The following NFX1 variants were observed in gnomAD, a reference collection of about 807,000 sequenced individuals.
The protein encoded by NFX1 is nuclear transcription factor, X-box binding 1.
Under a neutral mutation model 137.2 loss-of-function variants are expected in NFX1, and 69 were observed. That is an observed-to-expected ratio of 0.50 (90% confidence interval 0.41 to 0.61). The LOEUF is 0.61. Ranked by LOEUF, NFX1 falls within the 20% of genes least tolerant of loss-of-function variation. The probability of loss-of-function intolerance (pLI) is 0.00; values close to 1 mark genes in which losing one functional copy is unlikely to be tolerated. For synonymous variants in NFX1, 495 were observed against 474.1 expected (o/e 1.04, Z -0.57); for missense variants, 1,167 against 1,391.0 (o/e 0.84, Z 2.56).
At position 33,342,080 on chromosome 9, in the gene NFX1, C is replaced by T. The variant is rs377357077; in HGVS notation, c.2116-666C>T. Among the ~76,000 whole-genome samples, 15 of 152,070 alleles carry T rather than the reference C, an allele frequency of 9.9e-5. No homozygotes were observed. In the East Asian group the frequency reaches 2.1e-3, roughly 22 times the overall value. On this transcript the variant is annotated intron_variant, in intron 12 of 23. Coordinates refer to ENST00000379540, the MANE Select transcript of NFX1 (RefSeq NM_002504.6). ...GCAGTGAGCCAAGATCGCACCACCACACTCCAGCCTGGGCAACAGAGTGAG... is the reference window on the plus strand; with the variant it reads ...GCAGTGAGCCAAGATCGCACCACCATACTCCAGCCTGGGCAACAGAGTGAG...
chr9:33,364,618 A>G (rs1345632671), intron 20 of NFX1, 90 bp from the exon 21 acceptor site: 24 of 1,447,118 alleles, frequency 1.7e-5, no homozygotes, highest in East Asian at 2.5e-5. Flanking sequence ...AGCATTGTCT[A>G]TTGTCTACGC....
At chr9:33,316,212 G>A (rs542907098) in intron 7 of NFX1, among the ~76,000 whole-genome samples, 1 of 152,186 alleles carries the variant, frequency 6.6e-6, no homozygotes, top group African/African-American at 2.4e-5. Flanking sequence ...TCAAGAGAAT[G>A]AAGAGTTGCC....
intron 4 of NFX1, 53 bp from the exon 5 acceptor site, chr9:33,307,141 T>G: frequency 2.8e-6 from 4 of 1,441,452 alleles, no homozygotes; most frequent in Non-Finnish European, 3.9e-6. Flanking sequence ...TCATTAAAGT[T>G]GAGAATGTGG....
At chr9:33,301,601 C>T (rs944876954) in intron 3 of NFX1, among the ~76,000 whole-genome samples, 180 bp downstream of exon 3, 13 of 152,090 alleles carry the variant, frequency 8.5e-5, no homozygotes, top group Non-Finnish European at 1.0e-4. Context: ...TTAAATAAAC[C>T]AGCTAAACAA....
chr9:33,348,776 GAAAT>G, intron 15 of NFX1: 5 of 984,996 alleles, frequency 5.1e-6, no homozygotes, highest in Non-Finnish European at 6.0e-6. Context: ...TACTGAGAAA[GAAAT>G]ACTCTACCAT....
At chr9:33,304,697 C>T (rs888654308) in intron 4 of NFX1, among the ~76,000 whole-genome samples, 5 of 152,058 alleles carry the variant, frequency 3.3e-5, no homozygotes, top group East Asian at 3.9e-4. Context: ...TGGAATTTTC[C>T]GGTCTTACAT....
intron 6 of NFX1, among the ~76,000 whole-genome samples, chr9:33,312,039 G>A (rs1459614896): frequency 5.3e-5 from 8 of 152,144 alleles, no homozygotes; most frequent in Admixed American, 6.5e-5. Context: ...ATAATACAAG[G>A]TCTCCTACAT....
rs73478939 is a variant in NFX1, at chr9:33,364,912, T to C, written c.3039+138T>C. On this transcript the variant is annotated intron_variant, in intron 21 of 23. Coordinates refer to ENST00000379540, the MANE Select transcript of NFX1 (RefSeq NM_002504.6). ...ACAACTTCTTTGAGGATCCTTATCT[T>C]TCTCAAAACACAGCCATTATAACAT... is the stretch of plus-strand genomic sequence containing the variant. 1,704 of 1,478,732 alleles carry C rather than the reference T, an allele frequency of 1.2e-3. 16 individuals carry two copies. The African/African-American group carries it at 0.022, about 19-fold the overall frequency. The allele number at this position is 1,478,732 out of a possible 1,614,324, so 91.6% of individuals were successfully genotyped here. A position where few individuals can be genotyped will look rare whatever the true frequency, so the allele number is the denominator to read the frequency against.
At chr9:33,322,637 G>A (rs1046766724) in intron 9 of NFX1, among the ~76,000 whole-genome samples, 1 of 152,140 alleles carries the variant, frequency 6.6e-6, no homozygotes, top group Non-Finnish European at 1.5e-5. Flanking sequence ...CACTCGTAGG[G>A]CAGAGGTTCC....
chr9:33,342,088 C>T (rs181441879), intron 12 of NFX1, among the ~76,000 whole-genome samples: 1 of 151,752 alleles, frequency 6.6e-6, no homozygotes, highest in Admixed American at 6.6e-5. Flanking sequence ...CACACTCCAG[C>T]CTGGGCAACA....
Position 33,328,580 on chromosome 9 carries a change from G to C in NFX1, c.1907-1G>C. The C allele has an allele frequency of 1.2e-6, 2 of 1,602,110 alleles. No homozygotes were observed. Among genetic ancestry groups the C allele is most frequent in the Non-Finnish European group, 1.7e-6 (2 of 1,171,118 alleles). On this transcript the variant is annotated splice_acceptor_variant, in intron 9 of 23. Transcript: ENST00000379540. LOFTEE classifies it high-confidence loss of function. The stretch of plus-strand genomic sequence containing the variant: ...TCCAGCTCTTTTCGTTTTTATTAAA[G>C]ATTTCATTCATACCTGTGAAAAGCT...
At chr9:33,343,575 A>G (rs1823303719) in intron 13 of NFX1, among the ~76,000 whole-genome samples, 1 of 152,330 alleles carries the variant, frequency 6.6e-6, no homozygotes, top group Admixed American at 6.5e-5. Flanking sequence ...TTACACCAAA[A>G]TTCAACCTCA....
rs1366583664 is a variant in NFX1 at position 33,328,441 on chromosome 9, G to A, written c.1907-140G>A. 2.1e-5 allele frequency: 13 copies of A among 620,208 alleles called. No homozygotes were observed. The South Asian group carries it at 2.1e-4, about 10-fold the overall frequency. The allele number at this position is 620,208 out of a possible 1,614,324, so 38.4% of individuals were successfully genotyped here. Reference sequence around the variant, plus strand: ...CAGATGAAGGGAAGATAGGGAAGAAGCATTGACTGCATACTTCCCTCAACT... The same window carrying A: ...CAGATGAAGGGAAGATAGGGAAGAAACATTGACTGCATACTTCCCTCAACT... On this transcript the variant is annotated intron_variant, in intron 9 of 23. Coordinates refer to ENST00000379540, the MANE Select transcript of NFX1 (RefSeq NM_002504.6).
chr9:33,300,718 C>T (rs1410176991), intron 2 of NFX1, among the ~76,000 whole-genome samples: 1 of 152,210 alleles, frequency 6.6e-6, no homozygotes, highest in Non-Finnish European at 1.5e-5. Context: ...GGGACTGTAA[C>T]ACCACCATGG....
chr9:33,337,604 C>T (rs922075850), intron 11 of NFX1, among the ~76,000 whole-genome samples: 2 of 152,148 alleles, frequency 1.3e-5, no homozygotes, highest in Non-Finnish European at 2.9e-5. Flanking sequence ...GTGGCTTACA[C>T]CTGTAATCCC....
Position 33,333,189 on chromosome 9 carries a change from T to G in NFX1, c.2035+687T>G, listed in dbSNP as rs144219565. Among the ~76,000 whole-genome samples, 355 of 152,260 alleles carry G rather than the reference T, an allele frequency of 2.3e-3. 1 individual carries two copies. The highest frequency in any genetic ancestry group is 8.4e-3 in the African/African-American group (349 of 41,556). On this transcript the variant is annotated intron_variant, in intron 11 of 23. Transcript: ENST00000379540. ...CCGACACATACTGTTGTTGAAGCCA[T>G]TTTAAAACCTTTTTGGAAAAGTGAT...
intron 7 of NFX1, among the ~76,000 whole-genome samples, chr9:33,315,225 CAAAAA>C (rs60137205): frequency 1.1e-5 from 1 of 90,802 alleles, no homozygotes. Context: ...AACTCTGTCT[CAAAAA>C]AAAAAAAAAA....
At chr9:33,339,380 C>T (rs936552540) in intron 12 of NFX1, among the ~76,000 whole-genome samples, 2 of 152,110 alleles carry the variant, frequency 1.3e-5, no homozygotes, top group African/African-American at 4.8e-5. Flanking sequence ...CTTAGAAAGC[C>T]ATCAGATCTC....
At chr9:33,360,457 T>C (rs1367708380) in intron 19 of NFX1, among the ~76,000 whole-genome samples, 1 of 152,214 alleles carries the variant, frequency 6.6e-6, no homozygotes, top group Non-Finnish European at 1.5e-5. Flanking sequence ...GTAAATGTTA[T>C]TGATTAAAAC....
Sources: gnomAD v4.1 joint callset for allele counts (sites outside exome capture counted in the v4.1 genomes callset) on GRCh38, gnomAD v4.1.1 for gene constraint, MANE v1.5 for transcripts, NCBI Gene and HGNC (gene_info 2026-07-23, HGNC 2026-07-21) for gene names.